The following PEBP4 variants were observed in gnomAD, a reference collection of about 807,000 sequenced individuals.
The protein encoded by PEBP4 is phosphatidylethanolamine-binding protein 4.
Under a neutral mutation model 23.9 loss-of-function variants are expected in PEBP4, and 22 were observed. The observed-to-expected ratio is 0.92, with a 90% CI of 0.66 to 1.31. The LOEUF is 1.31. PEBP4 is among the 40% of genes most tolerant of loss of function. The pLI is 0.00. For synonymous variants in PEBP4, 112 were observed against 99.3 expected (o/e 1.13, Z -0.76); for missense variants, 324 against 281.7 (o/e 1.15, Z -1.07).
intron 3 of PEBP4, among the ~76,000 whole-genome samples, chr8:22,891,349 G>A (rs1236855451): frequency 6.6e-6 from 1 of 152,154 alleles, no homozygotes; most frequent in South Asian, 2.1e-4. Context: ...ATGGAACCAG[G>A]CTCCTCCTGC....
intron 3 of PEBP4, among the ~76,000 whole-genome samples, chr8:22,861,927 G>A (rs905191451): frequency 1.3e-5 from 2 of 152,184 alleles, no homozygotes; most frequent in African/African-American, 4.8e-5. Flanking sequence ...AGTTTGAGCG[G>A]CATACTGGTT....
intron 3 of PEBP4, among the ~76,000 whole-genome samples, chr8:22,857,980 C>T (rs189680194): frequency 7.9e-5 from 12 of 152,192 alleles, no homozygotes; most frequent in Middle Eastern, 3.2e-3. Context: ...GTCCATGGGG[C>T]AAACTCTTAG....
chr8:22,884,139 T>A (rs1419807722), intron 3 of PEBP4: 2 of 152,184 alleles, frequency 1.3e-5, no homozygotes, highest in African/African-American at 4.8e-5. Flanking sequence ...CCTGCCATCA[T>A]CAGCAGCTCC....
At chr8:22,790,981 T>A (rs1009779660) in intron 4 of PEBP4, among the ~76,000 whole-genome samples, 4 of 152,194 alleles carry the variant, frequency 2.6e-5, no homozygotes, top group African/African-American at 9.7e-5. Flanking sequence ...TGGAACAATA[T>A]GACAGCAGTT....
At chr8:22,763,462 C>T (rs938355823) in intron 4 of PEBP4, among the ~76,000 whole-genome samples, 23 of 152,212 alleles carry the variant, frequency 1.5e-4, no homozygotes, top group Non-Finnish European at 2.2e-4. Flanking sequence ...TACGTGTTTA[C>T]GAGCAGTGAA....
intron 3 of PEBP4, among the ~76,000 whole-genome samples, chr8:22,844,427 C>T (rs183610440): frequency 5.6e-4 from 85 of 152,168 alleles, no homozygotes; most frequent in African/African-American, 1.8e-3. Flanking sequence ...TTAATAGAGA[C>T]GGGCTTTCTC....
At chr8:22,772,493 CTTT>C (rs34489811) in intron 4 of PEBP4, among the ~76,000 whole-genome samples, 13 of 121,586 alleles carry the variant, frequency 1.1e-4, no homozygotes, top group East Asian at 2.3e-4. Context: ...CTCTCTCTCT[CTTT>C]TTTTTTTTTT....
At chr8:22,812,336 G>A (rs536623462) in intron 4 of PEBP4, among the ~76,000 whole-genome samples, 42 of 152,242 alleles carry the variant, frequency 2.8e-4, no homozygotes, top group African/African-American at 9.9e-4. Flanking sequence ...ACCTGGAAGC[G>A]GCAGAGCCTG....
chr8:22,785,192 G>T (rs1348273608), intron 4 of PEBP4, among the ~76,000 whole-genome samples: 1 of 152,152 alleles, frequency 6.6e-6, no homozygotes, highest in East Asian at 1.9e-4. Flanking sequence ...GCAAATGAGG[G>T]GAAGCTAGGA....
intron 3 of PEBP4, among the ~76,000 whole-genome samples, chr8:22,909,288 C>G (rs1808884783): frequency 6.6e-6 from 1 of 152,004 alleles, no homozygotes; most frequent in African/African-American, 2.4e-5. Context: ...CCTACCCCAT[C>G]CTCTGCGGCT....
intron 3 of PEBP4, among the ~76,000 whole-genome samples, chr8:22,916,358 C>T (rs962470112): frequency 4.6e-5 from 7 of 152,154 alleles, no homozygotes; most frequent in Non-Finnish European, 1.0e-4. Context: ...AGGGGAGAAA[C>T]GCTTCCTCTT....
In PEBP4 at chr8:22,865,639, C is replaced by G. The variant is rs902292613; in HGVS notation, c.259-47904G>C. 4.6e-5 allele frequency among the ~76,000 whole-genome samples: 7 copies of G among 152,166 alleles called. No homozygotes were observed. Among genetic ancestry groups the G allele is most frequent in the African/African-American group, 1.7e-4 (7 of 41,448 alleles). On this transcript the variant is annotated intron_variant, in intron 3 of 6. Transcript: ENST00000256404. This position sits in a 1 kb window ranked among gnomAD's most constrained non-coding sequence, Gnocchi z 6.9. ...CGCCCCATCCTGCTCAGAAAAGCCT[C>G]GGATGCTGCCCGGGAGGAGGAGGCA... is the stretch of plus-strand genomic sequence containing the variant.
chr8:22,733,523 C>T (rs1426085762), intron 4 of PEBP4, among the ~76,000 whole-genome samples: 1 of 152,068 alleles, frequency 6.6e-6, no homozygotes, highest in African/African-American at 2.4e-5. Context: ...GATGCTGGCC[C>T]AGTTCCCTCA....
chr8:22,728,238 G>A (rs1804657119), intron 4 of PEBP4, among the ~76,000 whole-genome samples: 1 of 152,140 alleles, frequency 6.6e-6, no homozygotes, highest in African/African-American at 2.4e-5. Flanking sequence ...CCCCTAGCTT[G>A]AGGTTTACCT....
chr8:22,914,225 G>T (rs530281982), intron 3 of PEBP4, among the ~76,000 whole-genome samples: 1 of 151,840 alleles, frequency 6.6e-6, no homozygotes, highest in Non-Finnish European at 1.5e-5. Flanking sequence ...CAAGTGATCT[G>T]CCCACCTCAG....
At chr8:22,932,534 C>T (rs537901750), upstream of PEBP4, among the ~76,000 whole-genome samples, 1 of 152,132 alleles carries the variant, frequency 6.6e-6, no homozygotes, top group African/African-American at 2.4e-5. Context: ...TATACACACA[C>T]ACACACACCC....
chr8:22,772,262 G>T (rs997324968), intron 4 of PEBP4, among the ~76,000 whole-genome samples: 1 of 152,196 alleles, frequency 6.6e-6, no homozygotes, highest in East Asian at 1.9e-4. Context: ...CTGGTGAGAG[G>T]TCTGGGCAGG....
At chr8:22,835,787 G>A (rs1200909549) in intron 3 of PEBP4, among the ~76,000 whole-genome samples, 1 of 152,214 alleles carries the variant, frequency 6.6e-6, no homozygotes, top group African/African-American at 2.4e-5. Context: ...AATGACATTA[G>A]AACAGGCCCT....
At chr8:22,854,594 T>C (rs544604761) in intron 3 of PEBP4, among the ~76,000 whole-genome samples, 6 of 152,310 alleles carry the variant, frequency 3.9e-5, no homozygotes, top group Admixed American at 3.9e-4. Flanking sequence ...GCAAAGGAGT[T>C]AATGTCTTTT....
Sources: allele counts gnomAD v4.1 joint callset (sites outside exome capture counted in the v4.1 genomes callset), GRCh38; gene constraint gnomAD v4.1.1; non-coding constraint Gnocchi (gnomAD v3.1); transcripts MANE v1.5; gene names NCBI Gene and HGNC (gene_info 2026-07-23, HGNC 2026-07-21).